Variants in POLR3H observed in about 807,000 individuals in gnomAD.
POLR3H encodes DNA-directed RNA polymerase III subunit RPC8.
POLR3H carries 17 observed loss-of-function variants against 25.5 expected under a neutral mutation model. The observed-to-expected ratio is 0.67, with a 90% CI of 0.46 to 1.00. The LOEUF (loss-of-function observed/expected upper bound fraction) is 1.00. POLR3H is among the 50% of genes least tolerant of loss of function. The pLI, the probability that POLR3H is intolerant of heterozygous loss-of-function variation, is 0.00. For synonymous variants in POLR3H, 129 were observed against 103.0 expected (o/e 1.25, Z -1.53); for missense variants, 274 against 265.0 (o/e 1.03, Z -0.24).
In POLR3H at chr22:41,526,373, G is replaced by A. The variant is rs1357717726; in HGVS notation, c.*2910C>T. 6.2e-7 allele frequency: 1 copy of A among 1,613,810 alleles called. No homozygotes were observed. Among genetic ancestry groups the A allele is most frequent in the Non-Finnish European group, 8.5e-7 (1 of 1,180,028 alleles). On this transcript the variant is annotated 3_prime_UTR_variant, in exon 6 of 6. Coordinates refer to ENST00000355209, the MANE Select transcript of POLR3H (RefSeq NM_001018050.4). ...CCTGCTCATTGGTGCCATCAACATTGAAAACGGCAAGGCCAACTCCGTGCG... is the reference window on the plus strand; with the variant it reads ...CCTGCTCATTGGTGCCATCAACATTAAAAACGGCAAGGCCAACTCCGTGCG...
At chr22:41,539,656 G>T in intron 2 of POLR3H, 1 of 152,368 alleles carries the variant, frequency 6.6e-6, no homozygotes. Flanking sequence ...CCTAGCCAAC[G>T]GGATGGAAGC....
chr22:41,544,067 C>T lies in POLR3H; in HGVS notation c.35G>A (p.Arg12Gln). Residue 12 changes from arginine to glutamine, a missense_variant, in exon 1 of 6, where the codon CGG becomes CAG. Physicochemically the swap from Arg to Gln is conservative, Grantham distance 43. Transcript: ENST00000355209. ...FVLVEMVDTVRIPPWQFERKL... is the reference protein window; with the variant it reads ...FVLVEMVDTVQIPPWQFERKL... ...CCTCTCAAACTGCCAAGGGGGGATC[C>T]GGACGGTGTCCACCATTTCCACCAG... 2 of 1,613,704 alleles carry T rather than the reference C, an allele frequency of 1.2e-6. No homozygotes were observed. The highest frequency in any genetic ancestry group is 1.1e-5 in the South Asian group (1 of 91,062).
chr22:41,543,075 A>G (rs1041399689), intron 1 of POLR3H, among the ~76,000 whole-genome samples: 1 of 152,170 alleles, frequency 6.6e-6, no homozygotes, highest in African/African-American at 2.4e-5. Flanking sequence ...ATGAGGGGAT[A>G]CTTCAGGGAA....
intron 3 of POLR3H, among the ~76,000 whole-genome samples, 200 bp from the exon 4 acceptor site, chr22:41,532,357 G>A (rs1288363436): frequency 1.3e-5 from 2 of 152,222 alleles, no homozygotes; most frequent in Admixed American, 6.5e-5. Context: ...GCAAAGCCCG[G>A]AGCACCTAGT....
At position 41,540,697 on chromosome 22, in the gene POLR3H, A is replaced by T; in HGVS notation, c.208+2T>A. On this transcript the variant is annotated splice_donor_variant, in intron 2 of 5. Coordinates refer to ENST00000355209, the MANE Select transcript of POLR3H (RefSeq NM_001018050.4). LOFTEE classifies it high-confidence loss of function. ...AATGCCCCAGGGACAGAAGATACCCACCTTTGGTGTGTGATGCGCCATCCC... is the reference window on the plus strand; with the variant it reads ...AATGCCCCAGGGACAGAAGATACCCTCCTTTGGTGTGTGATGCGCCATCCC... The T allele has an allele frequency of 1.2e-6, 2 of 1,610,928 alleles. No individual in the cohort carries two copies. The highest frequency in any genetic ancestry group is 1.7e-5 in the Admixed American group (1 of 59,990).
In POLR3H at chr22:41,528,659, C is replaced by T. The variant is rs780848861; in HGVS notation, c.*624G>A. 27 of 1,602,092 alleles carry T rather than the reference C, an allele frequency of 1.7e-5. No homozygotes were observed. The highest frequency in any genetic ancestry group is 5.0e-5 in the Admixed American group (3 of 59,620). ...GCCGCTGGCGTCAAGTTCAGCTCCA[C>T]GTGTGCCATCAGTGGATCCGATCCG... On this transcript the variant is annotated 3_prime_UTR_variant, in exon 6 of 6. Coordinates refer to ENST00000355209, the MANE Select transcript of POLR3H (RefSeq NM_001018050.4).
rs11554328 is a variant in POLR3H, at chr22:41,544,262, T to C, written c.-161A>G. ...GGTCTCGGGGGCCCGGTCCGGGCCA[T>C]GCTCCGCTACTACAACATGAGGAAA... On this transcript the variant is annotated 5_prime_UTR_variant, in exon 1 of 6. An upstream start codon of the reference 5' UTR is lost. Transcript: ENST00000355209. 1 of 585,502 alleles carries C rather than the reference T, an allele frequency of 1.7e-6. No individual in the cohort carries two copies. The highest frequency in any genetic ancestry group is 2.8e-5 in the East Asian group (1 of 35,090). 36.3% of individuals were successfully genotyped at this position (585,502 alleles called of 1,614,324 possible).
chr22:41,533,661 GGA>G, intron 2 of POLR3H: 1 of 1,304,036 alleles, frequency 7.7e-7, no homozygotes, highest in Non-Finnish European at 1.0e-6. Context: ...CAGGGCATGA[GGA>G]GAGGCAGCCG....
chr22:41,530,416 G>A (rs2066703872), intron 5 of POLR3H, among the ~76,000 whole-genome samples: 3 of 152,296 alleles, frequency 2.0e-5, no homozygotes, highest in Non-Finnish European at 2.9e-5. Context: ...CCTCAAAGCC[G>A]CTTTATCAGT....
chr22:41,526,014 C>T lies in POLR3H; in HGVS notation c.*3269G>A, dbSNP rs960951070. The T allele has an allele frequency of 9.3e-6, 4 of 429,544 alleles. No individual in the cohort carries two copies. The highest frequency in any genetic ancestry group is 4.7e-5 in the South Asian group (1 of 21,342). 26.6% of individuals were successfully genotyped at this position (429,544 alleles called of 1,614,324 possible). ...AACATTGACCTGTCCCAACTTTGGG[C>T]GGCCTCTGCCCCATAAGGGAGACTG... On this transcript the variant is annotated 3_prime_UTR_variant, in exon 6 of 6. Transcript: ENST00000355209.
chr22:41,529,997 C>T (rs1380889165), intron 5 of POLR3H, among the ~76,000 whole-genome samples: 8 of 152,020 alleles, frequency 5.3e-5, no homozygotes, highest in East Asian at 1.9e-4. Context: ...CCTCGTGATC[C>T]GCCCACCTTG....
At chr22:41,542,937 AG>A (rs1461252363) in intron 1 of POLR3H, among the ~76,000 whole-genome samples, 3 of 152,146 alleles carry the variant, frequency 2.0e-5, no homozygotes, top group African/African-American at 7.2e-5. Context: ...TGGGAGGTGG[AG>A]GTTGCAGTGA....
intron 2 of POLR3H, chr22:41,540,289 A>T: frequency 2.9e-6 from 1 of 344,164 alleles, no homozygotes; most frequent in Non-Finnish European, 5.7e-6. Flanking sequence ...GGGCACAGAC[A>T]CAGAGCTATG....
intron 1 of POLR3H, among the ~76,000 whole-genome samples, chr22:41,541,349 C>T (rs2066926253): frequency 6.6e-6 from 1 of 152,202 alleles, no homozygotes; most frequent in Non-Finnish European, 1.5e-5. Flanking sequence ...CTCAGACACA[C>T]AGACGCAGCC....
chr22:41,531,684 CATCTT>C (rs1466805490), intron 4 of POLR3H, among the ~76,000 whole-genome samples: 1 of 152,234 alleles, frequency 6.6e-6, no homozygotes, highest in East Asian at 1.9e-4. Context: ...AGGAGGAACA[CATCTT>C]AGCCCACGAC....
At chr22:41,540,290 C>G in intron 2 of POLR3H, 1 of 343,482 alleles carries the variant, frequency 2.9e-6, no homozygotes, top group Non-Finnish European at 5.7e-6. Context: ...GGCACAGACA[C>G]AGAGCTATGA....
At chr22:41,533,056 G>A (rs192694096) in intron 2 of POLR3H, among the ~76,000 whole-genome samples, 2 of 152,326 alleles carry the variant, frequency 1.3e-5, no homozygotes, top group African/African-American at 2.4e-5. Flanking sequence ...TCCTAAAAAG[G>A]GCAGAAGCAA....
Position 41,532,087 on chromosome 22 carries a change from A to G in POLR3H, c.359+7T>C, listed in dbSNP as rs759387992. 1.1e-5 allele frequency: 17 copies of G among 1,613,508 alleles called. No individual in the cohort carries two copies. Among genetic ancestry groups the G allele is most frequent in the Non-Finnish European group, 1.4e-5 (17 of 1,179,570 alleles). Reference sequence around the variant, plus strand: ...TGTGACAAACCACTTTAACCCTTGGAGGATACAACTTGGCTGGCTGCTGCA... The same window carrying G: ...TGTGACAAACCACTTTAACCCTTGGGGGATACAACTTGGCTGGCTGCTGCA... On this transcript the variant is annotated splice_region_variant and intron_variant, in intron 4 of 5. Coordinates refer to ENST00000355209, the MANE Select transcript of POLR3H (RefSeq NM_001018050.4).
chr22:41,531,987 C>T (rs2066745035), intron 4 of POLR3H, 107 bp downstream of exon 4: 1 of 948,586 alleles, frequency 1.1e-6, no homozygotes, highest in East Asian at 2.5e-5. Flanking sequence ...GCACAGAGGC[C>T]AGTGACATCA....
Sources: allele counts gnomAD v4.1 joint callset (sites outside exome capture counted in the v4.1 genomes callset), GRCh38; gene constraint gnomAD v4.1.1; transcripts MANE v1.5; gene names NCBI Gene and HGNC (gene_info 2026-07-23, HGNC 2026-07-21).